ARHGAP28: variants seen among roughly 807,000 people sequenced by gnomAD.
ARHGAP28 encodes the protein rho GTPase-activating protein 28.
In ARHGAP28, 56 loss-of-function variants were observed where a neutral mutation model predicts 90.7. The observed-to-expected ratio is 0.62, with a 90% CI of 0.50 to 0.77. ARHGAP28 has a LOEUF of 0.77. Ranked by LOEUF, ARHGAP28 falls within the 30% of genes least tolerant of loss-of-function variation. The pLI is 0.00. For synonymous variants in ARHGAP28, 308 were observed against 323.3 expected, an observed-to-expected ratio of 0.95 and a Z score of 0.51; for missense variants, 869 against 900.9, an observed-to-expected ratio of 0.96 and a Z score of 0.45.
At chr18:6,736,760 A>AAG in intron 1 of ARHGAP28, among the ~76,000 whole-genome samples, 1 of 88,148 alleles carries the variant, frequency 1.1e-5, no homozygotes, top group East Asian at 2.8e-4. Flanking sequence ...AAAAAAAAAC[A>AAG]AAAAACAGAA....
chr18:6,761,637 A>C (rs2056160845), intron 1 of ARHGAP28, among the ~76,000 whole-genome samples: 4 of 152,226 alleles, frequency 2.6e-5, no homozygotes. Context: ...AGGAAGGGCC[A>C]GTGGTCAGTG....
At chr18:6,764,459 C>A (rs2056185129) in intron 1 of ARHGAP28, among the ~76,000 whole-genome samples, 1 of 152,164 alleles carries the variant, frequency 6.6e-6, no homozygotes, top group South Asian at 2.1e-4. Context: ...CCCTATGTCT[C>A]AAGAGAGGCT....
At chr18:6,752,024 A>G (rs2056073455) in intron 1 of ARHGAP28, among the ~76,000 whole-genome samples, 3 of 152,354 alleles carry the variant, frequency 2.0e-5, no homozygotes, top group East Asian at 3.9e-4. Flanking sequence ...TTTAATTAGA[A>G]AGTAAAGGAA....
rs868654238 is a variant in ARHGAP28, at chr18:6,851,244, T to C, written c.636+118T>C. ...TAAGATGGCTGGACAACCACAGATT[T>C]CAACACACTTATCTACCTTAGGTGA... On this transcript the variant is annotated intron_variant, in intron 4 of 17. Transcript: ENST00000383472. The C allele has an allele frequency of 2.5e-5, 21 of 846,002 alleles. 1 individual carries two copies. The highest frequency in any genetic ancestry group is 4.9e-4 in the Middle Eastern group (2 of 4,112). The allele number at this position is 846,002 out of a possible 1,614,324, so 52.4% of individuals were successfully genotyped here.
At position 6,873,627 on chromosome 18, in the gene ARHGAP28, A is replaced by G; in HGVS notation, c.1120+53A>G. The G allele has an allele frequency of 1.9e-6, 3 of 1,607,898 alleles. No individual in the cohort carries two copies. The South Asian group carries it at 3.3e-5, about 18-fold the overall frequency. On this transcript the variant is annotated intron_variant, in intron 8 of 17. Transcript: ENST00000383472. ...CTTTAACACTTTGACACAGTGGAAT[A>G]AGATAATGCTTTTCTAATTCTTTTT...
At chr18:6,777,478 T>C (rs1271365598) in intron 1 of ARHGAP28, among the ~76,000 whole-genome samples, 1 of 152,090 alleles carries the variant, frequency 6.6e-6, no homozygotes, top group East Asian at 1.9e-4. Flanking sequence ...ATCCCAGCAC[T>C]TTGGAGGGCA....
At chr18:6,841,198 T>TCTC (rs2056819559) in intron 3 of ARHGAP28, among the ~76,000 whole-genome samples, 3 of 64,696 alleles carry the variant, frequency 4.6e-5, no homozygotes, top group Non-Finnish European at 5.7e-5. Context: ...TCTCTCTCTC[T>TCTC]CTCTCCTCTC....
chr18:6,815,786 C>T (rs189805252), intron 1 of ARHGAP28, among the ~76,000 whole-genome samples: 6 of 152,228 alleles, frequency 3.9e-5, no homozygotes, highest in Admixed American at 1.3e-4. Context: ...AAGTACATCA[C>T]GTGAATTTTT....
At chr18:6,841,167 C>CCTCTCTCTCTCCTCTCT (rs2056811018) in intron 3 of ARHGAP28, among the ~76,000 whole-genome samples, 1 of 79,938 alleles carries the variant, frequency 1.3e-5, no homozygotes, top group Non-Finnish European at 2.6e-5. Context: ...TTCTCTCTCT[C>CCTCTCTCTCTCCTCTCT]CTCTCTCTCT....
Position 6,890,617 on chromosome 18 carries a change from C to T in ARHGAP28, c.1848+74C>T, listed in dbSNP as rs1195611939. 3.4e-6 allele frequency: 3 copies of T among 879,572 alleles called. No individual in the cohort carries two copies. The Admixed American group carries it at 8.2e-5, about 24-fold the overall frequency. The allele number at this position is 879,572 out of a possible 1,614,324, so 54.5% of individuals were successfully genotyped here. The stretch of plus-strand genomic sequence containing the variant: ...CTCCTCAAAGGGGGGCACAAAGTAG[C>T]TTGTCATTTAGAACCAAGCATTTTA... On this transcript the variant is annotated intron_variant, in intron 14 of 17. Coordinates refer to ENST00000383472, the MANE Select transcript of ARHGAP28 (RefSeq NM_001366230.1).
intron 10 of ARHGAP28, among the ~76,000 whole-genome samples, 163 bp from the exon 11 acceptor site, chr18:6,881,974 A>T (rs751628953): frequency 6.6e-6 from 1 of 152,146 alleles, no homozygotes; most frequent in Non-Finnish European, 1.5e-5. Flanking sequence ...TCATCCTCAC[A>T]TAGCTATTTG....
chr18:6,776,596 C>G (rs2056285846), intron 1 of ARHGAP28, among the ~76,000 whole-genome samples: 1 of 152,046 alleles, frequency 6.6e-6, no homozygotes, highest in African/African-American at 2.4e-5. Flanking sequence ...CATGCCCGGC[C>G]CAAAGTGTTT....
intron 3 of ARHGAP28, among the ~76,000 whole-genome samples, chr18:6,840,722 G>A (rs565605267): frequency 1.3e-5 from 2 of 152,236 alleles, no homozygotes; most frequent in South Asian, 4.1e-4. Flanking sequence ...AATTGAGAAT[G>A]GGGACTAAGG....
At chr18:6,839,582 C>T (rs139352607) in intron 3 of ARHGAP28, among the ~76,000 whole-genome samples, 36 of 152,310 alleles carry the variant, frequency 2.4e-4, no homozygotes, top group Admixed American at 4.6e-4. Context: ...CAGGCGTGAG[C>T]CACTGCGCCC....
intron 1 of ARHGAP28, among the ~76,000 whole-genome samples, chr18:6,817,439 AGTGGG>A (rs1056776372): frequency 1.3e-5 from 2 of 152,170 alleles, no homozygotes; most frequent in African/African-American, 4.8e-5. Context: ...TATTCCCCTT[AGTGGG>A]ATACAGAGGG....
chr18:6,871,268 A>G (rs1427971900), intron 7 of ARHGAP28, among the ~76,000 whole-genome samples: 1 of 152,180 alleles, frequency 6.6e-6, no homozygotes, highest in Admixed American at 6.5e-5. Context: ...TGTAGGCTTG[A>G]ATACTGTTTT....
chr18:6,776,929 G>T (rs2056288680), intron 1 of ARHGAP28, among the ~76,000 whole-genome samples: 1 of 152,176 alleles, frequency 6.6e-6, no homozygotes, highest in South Asian at 2.1e-4. Flanking sequence ...GGGGATAGCG[G>T]TGAGTTTGAA....
In ARHGAP28 at chr18:6,804,282, T is replaced by C. The variant is rs549058368; in HGVS notation, c.123-20480T>C. Among the ~76,000 whole-genome samples, 79 of 152,334 alleles carry C rather than the reference T, an allele frequency of 5.2e-4. No homozygotes were observed. In the East Asian group the frequency reaches 0.012, roughly 23 times the overall value. On this transcript the variant is annotated intron_variant, in intron 1 of 17. Coordinates refer to ENST00000383472, the MANE Select transcript of ARHGAP28 (RefSeq NM_001366230.1). ...CATTTAATATCAGTAAAATTTGTAG[T>C]GATATCACCTCTCTCATTGCTGGTA...
chr18:6,903,958 T>G (rs560208795), intron 16 of ARHGAP28, among the ~76,000 whole-genome samples: 1 of 151,900 alleles, frequency 6.6e-6, no homozygotes, highest in Admixed American at 6.6e-5. Context: ...AGAAACTAGA[T>G]ATCAGTAACA....
Sources: allele counts gnomAD v4.1 joint callset (sites outside exome capture counted in the v4.1 genomes callset), GRCh38; gene constraint gnomAD v4.1.1; transcripts MANE v1.5; gene names NCBI Gene and HGNC (gene_info 2026-07-23, HGNC 2026-07-21).